BTBD16: variants seen among roughly 807,000 people sequenced by gnomAD.
BTBD16 encodes BTB/POZ domain-containing protein 16.
BTBD16 carries 66 observed loss-of-function variants against 67.4 expected under a neutral mutation model. That is an observed-to-expected ratio of 0.98 (90% CI 0.80 to 1.20). The LOEUF (loss-of-function observed/expected upper bound fraction) is 1.20, where lower values mean the gene tolerates loss of function less well. BTBD16 is among the 50% of genes most tolerant of loss of function. BTBD16 has a pLI of 0.00. For synonymous variants in BTBD16, 242 were observed against 236.4 expected (o/e 1.02, Z -0.22); for missense variants, 634 against 616.0 (o/e 1.03, Z -0.31).
At position 122,294,766 on chromosome 10, in the gene BTBD16, T is replaced by C. The variant is rs1296070365; in HGVS notation, c.591-3002T>C. 2.6e-5 allele frequency among the ~76,000 whole-genome samples: 4 copies of C among 152,362 alleles called. No homozygotes were observed. In the East Asian group the frequency reaches 7.7e-4, roughly 29 times the overall value. On this transcript the variant is annotated intron_variant, in intron 7 of 15. Coordinates refer to ENST00000260723, the MANE Select transcript of BTBD16 (RefSeq NM_144587.5). ...GCCCGGATGGCTTTCTTTGCTTCCTTTGGTCTGGGAAGTCTGATCATTCCA... is the reference window on the plus strand; with the variant it reads ...GCCCGGATGGCTTTCTTTGCTTCCTCTGGTCTGGGAAGTCTGATCATTCCA...
intron 10 of BTBD16, among the ~76,000 whole-genome samples, chr10:122,325,838 G>A (rs943345162): frequency 3.3e-5 from 5 of 151,994 alleles, no homozygotes; most frequent in African/African-American, 1.2e-4. Flanking sequence ...ACCATGCCTG[G>A]CTAATTTTTG....
chr10:122,277,955 C>T (rs1226812842), intron 3 of BTBD16, among the ~76,000 whole-genome samples: 2 of 152,212 alleles, frequency 1.3e-5, no homozygotes, highest in African/African-American at 4.8e-5. Context: ...TGTGAGCTCA[C>T]AGCCAAATCA....
At chr10:122,295,246 G>A in intron 7 of BTBD16, 1 of 943,022 alleles carries the variant, frequency 1.1e-6, no homozygotes, top group South Asian at 4.9e-5. Flanking sequence ...GGAGCAATCA[G>A]GGTGACTTCC....
Position 122,310,959 on chromosome 10 carries a change from A to G in BTBD16, c.911+3651A>G, listed in dbSNP as rs369049393. Among the ~76,000 whole-genome samples the G allele has an allele frequency of 2.6e-3, 394 of 152,312 alleles. 2 individuals carry two copies. The highest frequency in any genetic ancestry group is 9.0e-3 in the African/African-American group (374 of 41,562). On this transcript the variant is annotated intron_variant, in intron 10 of 15. Transcript: ENST00000260723. Reference sequence around the variant, plus strand: ...AGGGTCGAGAGCCATTAACTGAGTAAAATGAGTCAGACGCCCCTTTCCTCA... The same window carrying G: ...AGGGTCGAGAGCCATTAACTGAGTAGAATGAGTCAGACGCCCCTTTCCTCA...
intron 7 of BTBD16, among the ~76,000 whole-genome samples, chr10:122,293,336 G>C (rs2096377406): frequency 6.6e-6 from 1 of 152,198 alleles, no homozygotes; most frequent in Non-Finnish European, 1.5e-5. Context: ...CAACCCCATG[G>C]ATGTTTTTGA....
intron 13 of BTBD16, among the ~76,000 whole-genome samples, chr10:122,333,183 G>A (rs1419912374): frequency 1.3e-5 from 2 of 152,278 alleles, no homozygotes; most frequent in East Asian, 3.9e-4. Flanking sequence ...TCATCAGAGA[G>A]TCCCCTCTGA....
At chr10:122,286,000 T>G (rs2096362919) in intron 4 of BTBD16, 105 bp from the exon 5 acceptor site, 1 of 1,143,312 alleles carries the variant, frequency 8.7e-7, no homozygotes, top group Admixed American at 2.1e-5. Flanking sequence ...CTGCTTCATG[T>G]GCTTAATGAT....
At chr10:122,283,326 C>T (rs937104281) in intron 3 of BTBD16, among the ~76,000 whole-genome samples, 3 of 152,174 alleles carry the variant, frequency 2.0e-5, no homozygotes, top group African/African-American at 7.2e-5. Context: ...ACTCAGCATG[C>T]TGGCTTGGGC....
At chr10:122,321,190 T>TA (rs1211032256) in intron 10 of BTBD16, among the ~76,000 whole-genome samples, 9 of 152,214 alleles carry the variant, frequency 5.9e-5, no homozygotes, top group Admixed American at 5.2e-4. Context: ...AATATATATA[T>TA]TTTTTAATGG....
chr10:122,330,669 G>A (rs753570159), intron 11 of BTBD16, among the ~76,000 whole-genome samples: 2 of 152,166 alleles, frequency 1.3e-5, no homozygotes, highest in Admixed American at 6.5e-5. Flanking sequence ...CCAATTTGGA[G>A]TGAATGTATT....
intron 11 of BTBD16, 152 bp downstream of exon 11, chr10:122,329,723 G>A: frequency 1.6e-6 from 1 of 645,106 alleles, no homozygotes; most frequent in Non-Finnish European, 2.7e-6. Context: ...CTTCGGGAAA[G>A]TCATGTAGCC....
chr10:122,290,424 C>G (rs569284486), intron 6 of BTBD16, among the ~76,000 whole-genome samples: 186 of 152,330 alleles, frequency 1.2e-3, no homozygotes, highest in Non-Finnish European at 2.4e-3. Context: ...GGCTCACTCT[C>G]TCCCCATCCC....
At chr10:122,291,961 G>A (rs985202978) in intron 7 of BTBD16, among the ~76,000 whole-genome samples, 2 of 152,138 alleles carry the variant, frequency 1.3e-5, no homozygotes, top group African/African-American at 2.4e-5. Flanking sequence ...TCATCCTGAC[G>A]AGGGTTGCCT....
chr10:122,310,757 G>A (rs2096412382), intron 10 of BTBD16, among the ~76,000 whole-genome samples: 1 of 152,206 alleles, frequency 6.6e-6, no homozygotes, highest in South Asian at 2.1e-4. Context: ...CCCGGGGAGG[G>A]GGACATGTTG....
At chr10:122,290,762 A>G (rs1045073693) in intron 6 of BTBD16, among the ~76,000 whole-genome samples, 1 of 152,084 alleles carries the variant, frequency 6.6e-6, no homozygotes, top group African/African-American at 2.4e-5. Context: ...CTACACCTAT[A>G]TGGGCAGTCA....
chr10:122,275,114 T>G lies in BTBD16; in HGVS notation c.18+15T>G, dbSNP rs372370160. 5.0e-6 allele frequency: 8 copies of G among 1,612,678 alleles called. No individual in the cohort carries two copies. In the African/African-American group the frequency reaches 1.1e-4, roughly 22 times the overall value. On this transcript the variant is annotated intron_variant, in intron 2 of 15. Coordinates refer to ENST00000260723, the MANE Select transcript of BTBD16 (RefSeq NM_144587.5). ...TGTCGAACACGGTGAGTAGATCAGT[T>G]TCTCAAGAAGGTAGGTGATGAGAAG...
At chr10:122,321,547 A>C (rs1193773732) in intron 10 of BTBD16, among the ~76,000 whole-genome samples, 5 of 152,236 alleles carry the variant, frequency 3.3e-5, no homozygotes, top group Non-Finnish European at 2.9e-5. Context: ...AATAATAGCC[A>C]TTCTGGCTAA....
Position 122,336,680 on chromosome 10 carries a change from C to A in BTBD16, c.1450C>A (p.His484Asn). Reference sequence around the variant, plus strand: ...GTTGACCACGTCATCCTGCAAAAGCCATGCAAGTGTTCACGTTGTCTTTTC... The same window carrying A: ...GTTGACCACGTCATCCTGCAAAAGCAATGCAAGTGTTCACGTTGTCTTTTC... ...FGLTTSSCKS[H>N]TLKIQTVGIP... is the part of the protein sequence containing the mutation. Residue 484 changes from histidine to asparagine, a missense_variant and splice_region_variant, in exon 15 of 16, where the codon CAT becomes AAT. Transcript: ENST00000260723. 6.3e-7 allele frequency: 1 copy of A among 1,577,362 alleles called. No individual in the cohort carries two copies. The highest frequency in any genetic ancestry group is 8.6e-7 in the Non-Finnish European group (1 of 1,167,692).
chr10:122,288,756 GA>G (rs1301833951), intron 5 of BTBD16, among the ~76,000 whole-genome samples: 1 of 152,148 alleles, frequency 6.6e-6, no homozygotes, highest in African/African-American at 2.4e-5. Flanking sequence ...TTGGGGTCAG[GA>G]AAGCCCTCTC....
Sources: gnomAD v4.1 joint callset for allele counts (sites outside exome capture counted in the v4.1 genomes callset) on GRCh38, gnomAD v4.1.1 for gene constraint, MANE v1.5 for transcripts, NCBI Gene and HGNC (gene_info 2026-07-23, HGNC 2026-07-21) for gene names.